The following TNR variants were observed in gnomAD, a reference collection of about 807,000 sequenced individuals.
TNR encodes the protein tenascin-R.
TNR carries 45 observed loss-of-function variants against 150.4 expected under a neutral mutation model. The observed-to-expected ratio is 0.30, with a 90% CI of 0.24 to 0.38. The LOEUF (loss-of-function observed/expected upper bound fraction) is 0.38, where lower values mean the gene tolerates loss of function less well. Among genes scored for constraint, TNR ranks in the 10% least tolerant of loss-of-function variants. The pLI, the probability that TNR is intolerant of heterozygous loss-of-function variation, is 1.00. For missense variants in TNR, 1,544 were observed against 1,759.1 expected (o/e 0.88, Z 2.19); for synonymous variants, 687 against 678.4 (o/e 1.01, Z -0.20).
At chr1:175,606,245 A>G (rs1023330471) in intron 1 of TNR, among the ~76,000 whole-genome samples, 1 of 152,160 alleles carries the variant, frequency 6.6e-6, no homozygotes, top group African/African-American at 2.4e-5. Context: ...CCCTCTGTCA[A>G]GGGAATAATT....
intron 16 of TNR, 30 bp downstream of exon 16, chr1:175,356,289 A>G (rs769017834): frequency 3.1e-6 from 5 of 1,612,812 alleles, no homozygotes; most frequent in South Asian, 2.2e-5. Flanking sequence ...GTCCCCAGGG[A>G]TACGGGTATG....
At chr1:175,574,677 T>C (rs1662031125) in intron 1 of TNR, among the ~76,000 whole-genome samples, 1 of 152,284 alleles carries the variant, frequency 6.6e-6, no homozygotes, top group South Asian at 2.1e-4. Flanking sequence ...CAGATAATTG[T>C]TCCCCTCCTT....
intron 4 of TNR, 115 bp from the exon 5 acceptor site, chr1:175,396,922 G>C (rs528068157): frequency 7.4e-7 from 1 of 1,355,130 alleles, no homozygotes; most frequent in South Asian, 1.4e-5. Flanking sequence ...GTCCTGCTGG[G>C]CTCAATGGCT....
intron 15 of TNR, 69 bp downstream of exon 15, chr1:175,359,540 ACAT>A (rs1181085583): frequency 1.2e-6 from 2 of 1,609,012 alleles, no homozygotes; most frequent in Non-Finnish European, 1.7e-6. Flanking sequence ...TTGTTTATTC[ACAT>A]CATACTGGTC....
At position 175,386,088 on chromosome 1, in the gene TNR, A is replaced by C; in HGVS notation, c.1721T>G (p.Val574Gly). 1 of 1,611,920 alleles carries C rather than the reference A, an allele frequency of 6.2e-7. No individual in the cohort carries two copies. The highest frequency in any genetic ancestry group is 8.5e-7 in the Non-Finnish European group (1 of 1,178,460). ...CTCGTTGGTCCCTCGGACGGCACTGACTGACACCTCGTATCGGGAGCCAGG... is the reference window on the plus strand; with the variant it reads ...CTCGTTGGTCCCTCGGACGGCACTGCCTGACACCTCGTATCGGGAGCCAGG... ...LRPGSRYEVS[V>G]SAVRGTNESD... is the part of the protein sequence containing the mutation. Residue 574 changes from valine to glycine, a missense_variant, in exon 8 of 23, where the codon GTC (valine) becomes GGC (glycine). Physicochemically the swap from Val to Gly is moderately radical, Grantham distance 109 (BLOSUM62 -3). This residue lies in a region of TNR where 1,254 missense variants were observed against 1,329.4 expected (regional missense o/e 0.94). Transcript: ENST00000367674.
rs189073703 is a variant in TNR at position 175,710,735 on chromosome 1, G to C, written c.-165+32491C>G. ...AAATGACTGCAACAGTCTGGTCTCA[G>C]GAGTCTCACTCACTCCCTTCTATTT... On this transcript the variant is annotated intron_variant, in intron 1 of 22. Coordinates refer to ENST00000367674, the MANE Select transcript of TNR (RefSeq NM_003285.3). Among the ~76,000 whole-genome samples the C allele has an allele frequency of 3.4e-3, 516 of 152,220 alleles. 4 individuals are homozygous for C. The highest frequency in any genetic ancestry group is 5.2e-3 in the Non-Finnish European group (351 of 68,000).
chr1:175,706,650 A>G (rs550177887), intron 1 of TNR, among the ~76,000 whole-genome samples: 64 of 152,118 alleles, frequency 4.2e-4, no homozygotes, highest in South Asian at 2.1e-4. Context: ...TGATGGGCCT[A>G]TTGCAGATTT....
At chr1:175,498,611 TG>T (rs958664651) in intron 2 of TNR, among the ~76,000 whole-genome samples, 1 of 152,196 alleles carries the variant, frequency 6.6e-6, no homozygotes, top group Admixed American at 6.5e-5. Flanking sequence ...CTTCTATTCT[TG>T]TGTTTTTCTT....
chr1:175,699,000 C>T (rs1666611222), intron 1 of TNR, among the ~76,000 whole-genome samples: 1 of 152,086 alleles, frequency 6.6e-6, no homozygotes, highest in African/African-American at 2.4e-5. Context: ...TGGGAGTGGG[C>T]AGGCAAGATC....
At chr1:175,579,085 A>T (rs1662235063) in intron 1 of TNR, among the ~76,000 whole-genome samples, 1 of 152,148 alleles carries the variant, frequency 6.6e-6, no homozygotes. Context: ...AGTCCCATTT[A>T]TTCAGAGCTA....
chr1:175,644,935 A>C (rs2101884134), intron 1 of TNR, among the ~76,000 whole-genome samples: 1 of 152,330 alleles, frequency 6.6e-6, no homozygotes, highest in African/African-American at 2.4e-5. Flanking sequence ...TTTGTGAATA[A>C]ACTTTAATTT....
intron 2 of TNR, among the ~76,000 whole-genome samples, chr1:175,419,542 C>T (rs1654656719): frequency 1.3e-5 from 2 of 152,118 alleles, no homozygotes; most frequent in Admixed American, 6.6e-5. Context: ...TCCTCTGTGG[C>T]ACGATCTCGG....
chr1:175,467,184 C>T (rs1327985281), intron 2 of TNR, among the ~76,000 whole-genome samples: 5 of 152,298 alleles, frequency 3.3e-5, no homozygotes, highest in Admixed American at 1.3e-4. Context: ...GAGTCCTGCA[C>T]TCAGAGCTGG....
chr1:175,450,447 C>T (rs1264809764), intron 2 of TNR, among the ~76,000 whole-genome samples: 2 of 152,248 alleles, frequency 1.3e-5, no homozygotes, highest in African/African-American at 4.8e-5. Context: ...GGGAGACCTC[C>T]CTGATAGCCG....
At chr1:175,509,269 C>CT (rs762588148) in intron 2 of TNR, among the ~76,000 whole-genome samples, 57 of 152,262 alleles carry the variant, frequency 3.7e-4, no homozygotes, top group Non-Finnish European at 5.3e-4. Context: ...CACCTACAAG[C>CT]TTTTTTCAAT....
chr1:175,625,314 G>A (rs751598725), intron 1 of TNR, among the ~76,000 whole-genome samples: 9 of 152,256 alleles, frequency 5.9e-5, no homozygotes, highest in South Asian at 2.1e-4. Flanking sequence ...TATCATGAAC[G>A]CAAAGACTGT....
intron 2 of TNR, among the ~76,000 whole-genome samples, chr1:175,466,093 C>T (rs188435721): frequency 6.6e-6 from 1 of 152,308 alleles, no homozygotes; most frequent in East Asian, 1.9e-4. Context: ...AGCTCCATCA[C>T]CCTATGTAGC....
chr1:175,384,005 T>C (rs901351684), intron 8 of TNR, among the ~76,000 whole-genome samples: 8 of 152,198 alleles, frequency 5.3e-5, no homozygotes, highest in Non-Finnish European at 1.0e-4. Context: ...GGAGGCAGAA[T>C]GTAATTGTCT....
At chr1:175,698,927 G>T (rs749297953) in intron 1 of TNR, among the ~76,000 whole-genome samples, 2 of 152,206 alleles carry the variant, frequency 1.3e-5, no homozygotes, top group Non-Finnish European at 2.9e-5. Context: ...TTATGGGAAG[G>T]TTGTCAGCAG....
Sources: allele counts gnomAD v4.1 joint callset (sites outside exome capture counted in the v4.1 genomes callset), GRCh38; gene constraint gnomAD v4.1.1; regional missense constraint gnomAD v4.1.1; transcripts MANE v1.5; gene names NCBI Gene and HGNC (gene_info 2026-07-23, HGNC 2026-07-21).